Variants in CR2 observed in about 807,000 individuals in gnomAD.
The protein encoded by CR2 is complement C3d receptor 2, also known as complement receptor type 2.
Under a neutral mutation model 123.0 loss-of-function variants are expected in CR2, and 96 were observed. The observed-to-expected ratio is 0.78, with a 90% CI of 0.66 to 0.93. CR2 has a LOEUF of 0.93. Among genes scored for constraint, CR2 ranks in the 40% least tolerant of loss-of-function variants. The pLI, the probability that CR2 is intolerant of heterozygous loss-of-function variation, is 0.00. For synonymous variants in CR2, 484 were observed against 469.5 expected (o/e 1.03, Z -0.40); for missense variants, 1,258 against 1,361.0 (o/e 0.92, Z 1.19).
In CR2 at chr1:207,476,233, G is replaced by A; in HGVS notation, c.2717-1G>A. ...AAGACCCTTTCTTATTGGTGTCTAA[G>A]CCTTCATAGGGTGTCCACCTCCGCC... On this transcript the variant is annotated splice_acceptor_variant, in intron 14 of 19. Coordinates refer to ENST00000367057, the MANE Select transcript of CR2 (RefSeq NM_001006658.3). LOFTEE classifies it high-confidence loss of function. 1.2e-6 allele frequency: 2 copies of A among 1,613,510 alleles called. No homozygotes were observed. Among genetic ancestry groups the A allele is most frequent in the Non-Finnish European group, 1.7e-6 (2 of 1,179,678 alleles).
At chr1:207,488,940 G>A (rs1658818924) in intron 19 of CR2, among the ~76,000 whole-genome samples, 2 of 152,170 alleles carry the variant, frequency 1.3e-5, no homozygotes, top group Non-Finnish European at 2.9e-5. Context: ...TTATATGAAT[G>A]TATATAAAAT....
At chr1:207,474,031 C>A in intron 12 of CR2, 146 bp downstream of exon 12, 1 of 863,762 alleles carries the variant, frequency 1.2e-6, no homozygotes, top group South Asian at 1.4e-5. Context: ...GCCTAAATAG[C>A]AACTCTGACT....
rs1444877650 is a variant in CR2, at chr1:207,474,289, T to C, written c.2289T>C (p.Asn763=). The C allele has an allele frequency of 1.2e-6, 2 of 1,613,530 alleles. No homozygotes were observed. Among genetic ancestry groups the C allele is most frequent in the African/African-American group, 1.3e-5 (1 of 74,980 alleles). The change falls in exon 13 of 20, where the codon AAT becomes AAC. Residue 763 remains asparagine, a synonymous_variant. Transcript: ENST00000367057. ...HAYQMCQDAE[N]GIWFKKIPLC... The stretch of plus-strand genomic sequence containing the variant: ...ATCAGATGTGTCAAGATGCTGAAAA[T>C]GGAATTTGGTTCAAAAAGATTCCAC...
intron 19 of CR2, 38 bp downstream of exon 19, chr1:207,485,610 A>C: frequency 3.2e-6 from 4 of 1,240,942 alleles, no homozygotes; most frequent in East Asian, 4.9e-5. Flanking sequence ...TTTACATATA[A>C]AATTTCCTTC....
At chr1:207,477,813 A>T in intron 15 of CR2, 72 bp from the exon 16 acceptor site, 1 of 1,373,992 alleles carries the variant, frequency 7.3e-7, no homozygotes, top group Non-Finnish European at 1.0e-6. Context: ...TCTTTCTATT[A>T]AGGGAAATTT....
intron 7 of CR2, 40 bp downstream of exon 7, chr1:207,470,956 A>G (rs200000368): frequency 5.0e-6 from 8 of 1,613,810 alleles, no homozygotes; most frequent in East Asian, 4.5e-5. Flanking sequence ...TAACTTTAAG[A>G]TTGCCTTGAA....
intron 1 of CR2, among the ~76,000 whole-genome samples, chr1:207,457,011 T>C (rs1218854849): frequency 6.6e-6 from 1 of 152,232 alleles, no homozygotes; most frequent in East Asian, 1.9e-4. Context: ...CTGACTCTTG[T>C]CTGAAGTATC....
rs762537434 is a variant in CR2 at position 207,473,693 on chromosome 1, T to C, written c.2127T>C (p.Asn709=). 4 of 1,613,866 alleles carry C rather than the reference T, an allele frequency of 2.5e-6. No individual in the cohort carries two copies. Among genetic ancestry groups the C allele is most frequent in the African/African-American group, 2.7e-5 (2 of 74,890 alleles). The change falls in exon 11 of 20, where the codon AAT becomes AAC. Residue 709 remains asparagine, a synonymous_variant. Coordinates refer to ENST00000367057, the MANE Select transcript of CR2 (RefSeq NM_001006658.3). ...CCATTCACTGTATGCCTTCAGGAAATTGGAGTCCTTCTGCCCCACGGTGTG... is the reference window on the plus strand; with the variant it reads ...CCATTCACTGTATGCCTTCAGGAAACTGGAGTCCTTCTGCCCCACGGTGTG... ...NKSIHCMPSG[N]WSPSAPRCEE...
Position 207,473,046 on chromosome 1 carries a change from C to A in CR2, c.1845C>A (p.Gly615=), listed in dbSNP as rs1658330945. 6.2e-7 allele frequency: 1 copy of A among 1,613,854 alleles called. No homozygotes were observed. The highest frequency in any genetic ancestry group is 1.1e-5 in the South Asian group (1 of 91,082). The change falls in exon 10 of 20, where the codon GGC becomes GGA. Residue 615 remains glycine (G), a synonymous_variant. Coordinates refer to ENST00000367057, the MANE Select transcript of CR2 (RefSeq NM_001006658.3). ...VHIANGYKIS[G]KEAPYFYNDT... is the part of the protein sequence containing the mutation. The stretch of plus-strand genomic sequence containing the variant: ...TTGCAAATGGATACAAGATATCTGG[C>A]AAGGAAGCCCCATATTTCTACAATG...
At chr1:207,461,600 T>TCTCAGGTC (rs1279894792) in intron 1 of CR2, among the ~76,000 whole-genome samples, 1 of 152,324 alleles carries the variant, frequency 6.6e-6, no homozygotes, top group East Asian at 1.9e-4. Flanking sequence ...GTAGCCTTTG[T>TCTCAGGTC]CTCAGGTCCT....
chr1:207,483,360 G>C (rs1017264728), intron 18 of CR2, among the ~76,000 whole-genome samples: 2 of 152,120 alleles, frequency 1.3e-5, no homozygotes, highest in African/African-American at 4.8e-5. Context: ...GGGTATCTAC[G>C]AACCTGGGCA....
At chr1:207,469,633 T>A (rs1444925670) in intron 5 of CR2, 62 bp from the exon 6 acceptor site, 9 of 1,461,512 alleles carry the variant, frequency 6.2e-6, no homozygotes, top group Non-Finnish European at 8.6e-6. Flanking sequence ...AAGCAGCATC[T>A]GGGGCATTCT....
In CR2 at chr1:207,477,912, T is replaced by A. The variant is rs1331055578; in HGVS notation, c.2930T>A (p.Met977Lys). Residue 977 changes from methionine to lysine, a missense_variant, in exon 16 of 20, where the codon ATG becomes AAG. Physicochemically the swap from Met to Lys is moderately conservative, Grantham distance 95. Coordinates refer to ENST00000367057, the MANE Select transcript of CR2 (RefSeq NM_001006658.3). ...KEVNCSSPAD[M>K]DGIQKGLEPR... ...GTAAACTGTAGCTCACCAGCAGATATGGATGGAATCCAGAAAGGGCTGGAA... is the reference window on the plus strand; with the variant it reads ...GTAAACTGTAGCTCACCAGCAGATAAGGATGGAATCCAGAAAGGGCTGGAA... 1.2e-6 allele frequency: 2 copies of A among 1,613,926 alleles called. No individual in the cohort carries two copies. The highest frequency in any genetic ancestry group is 1.7e-6 in the Non-Finnish European group (2 of 1,179,958).
chr1:207,475,313 C>T, intron 14 of CR2, 97 bp downstream of exon 14: 1 of 1,297,434 alleles, frequency 7.7e-7, no homozygotes, highest in East Asian at 2.3e-5. Context: ...AGAAAAGCAT[C>T]TAAGAGCTAA....
At chr1:207,468,471 G>A (rs1658165687) in intron 2 of CR2, 56 bp from the exon 3 acceptor site, 1 of 1,576,570 alleles carries the variant, frequency 6.3e-7, no homozygotes, top group Non-Finnish European at 8.7e-7. Context: ...CTTGATTCTA[G>A]ATTGTGAAGG....
At chr1:207,483,414 G>A (rs987924521) in intron 18 of CR2, among the ~76,000 whole-genome samples, 1 of 152,114 alleles carries the variant, frequency 6.6e-6, no homozygotes, top group Non-Finnish European at 1.5e-5. Context: ...CTGCCTATGG[G>A]GTTCTGGCTG....
intron 18 of CR2, among the ~76,000 whole-genome samples, chr1:207,481,109 G>A (rs1255245600): frequency 1.3e-5 from 2 of 151,696 alleles, no homozygotes; most frequent in Non-Finnish European, 2.9e-5. Flanking sequence ...GTTTTGGTAT[G>A]TTATGTTTTC....
intron 2 of CR2, among the ~76,000 whole-genome samples, chr1:207,467,738 G>A (rs1448754454): frequency 6.6e-6 from 1 of 152,182 alleles, no homozygotes; most frequent in Admixed American, 6.5e-5. Flanking sequence ...AAAGGGCAAT[G>A]GCTGCTGAAA....
chr1:207,481,434 C>G (rs2102312352), intron 18 of CR2, among the ~76,000 whole-genome samples: 1 of 152,184 alleles, frequency 6.6e-6, no homozygotes, highest in African/African-American at 2.4e-5. Flanking sequence ...CAGAGCTACT[C>G]TATTAATAAA....
Sources: gnomAD v4.1 joint callset for allele counts (sites outside exome capture counted in the v4.1 genomes callset) on GRCh38, gnomAD v4.1.1 for gene constraint, MANE v1.5 for transcripts, NCBI Gene and HGNC (gene_info 2026-07-23, HGNC 2026-07-21) for gene names.